Variants in PXDNL observed in about 807,000 individuals in gnomAD.
The protein encoded by PXDNL is probable oxidoreductase PXDNL.
Under a neutral mutation model 150.8 loss-of-function variants are expected in PXDNL, and 145 were observed. The observed-to-expected ratio is 0.96, with a 90% CI of 0.84 to 1.10. PXDNL has a LOEUF of 1.10. Among genes scored for constraint, PXDNL ranks in the 50% least tolerant of loss-of-function variants. The pLI is 0.00. For missense variants in PXDNL, 2,087 were observed against 1,873.9 expected, an observed-to-expected ratio of 1.11 and a Z score of -2.10; for synonymous variants, 757 against 725.7, an observed-to-expected ratio of 1.04 and a Z score of -0.69.
At chr8:51,507,756 C>T (rs1811323715) in intron 4 of PXDNL, among the ~76,000 whole-genome samples, 2 of 152,234 alleles carry the variant, frequency 1.3e-5, no homozygotes, top group Non-Finnish European at 2.9e-5. Context: ...TTTTAGTTGT[C>T]GCAGCTGGAA....
intron 1 of PXDNL, among the ~76,000 whole-genome samples, chr8:51,723,524 G>C (rs920120575): frequency 6.6e-6 from 1 of 152,210 alleles, no homozygotes; most frequent in Non-Finnish European, 1.5e-5. Context: ...AGAATGTTAG[G>C]AAAGGCTCTG....
intron 1 of PXDNL, among the ~76,000 whole-genome samples, chr8:51,790,572 A>G (rs1243749057): frequency 1.3e-5 from 2 of 152,042 alleles, no homozygotes; most frequent in Non-Finnish European, 2.9e-5. Context: ...TATTTTTTCT[A>G]TGAGGCACAG....
intron 1 of PXDNL, among the ~76,000 whole-genome samples, chr8:51,775,636 T>C (rs990235036): frequency 4.6e-4 from 70 of 152,348 alleles, no homozygotes; most frequent in African/African-American, 1.6e-3. Context: ...TTCATGGACA[T>C]TTATCACTTC....
At chr8:51,707,932 T>A (rs1816415913) in intron 1 of PXDNL, among the ~76,000 whole-genome samples, 1 of 152,122 alleles carries the variant, frequency 6.6e-6, no homozygotes, top group Non-Finnish European at 1.5e-5. Context: ...CACACGCACA[T>A]ACAAATATAT....
intron 1 of PXDNL, among the ~76,000 whole-genome samples, chr8:51,735,466 GA>G (rs1202199095): frequency 9.9e-5 from 15 of 150,894 alleles, no homozygotes; most frequent in Admixed American, 2.0e-4. Context: ...GCCTGGGCAA[GA>G]GAGCAAGACT....
chr8:51,541,141 C>CCAG (rs1289731683), intron 4 of PXDNL, among the ~76,000 whole-genome samples: 1 of 151,608 alleles, frequency 6.6e-6, no homozygotes, highest in East Asian at 1.9e-4. Context: ...GCCTATAGTC[C>CCAG]CAGCTACTCA....
At chr8:51,546,548 G>A (rs1466123379) in intron 4 of PXDNL, among the ~76,000 whole-genome samples, 4 of 152,162 alleles carry the variant, frequency 2.6e-5, no homozygotes, top group Non-Finnish European at 5.9e-5. Flanking sequence ...ATTGGGGAGG[G>A]GCCACAGGGT....
At chr8:51,808,093 T>C (rs779473323) in intron 1 of PXDNL, among the ~76,000 whole-genome samples, 6 of 152,256 alleles carry the variant, frequency 3.9e-5, no homozygotes, top group Non-Finnish European at 7.3e-5. Context: ...GTAAATACCA[T>C]CAAATTGGAC....
intron 1 of PXDNL, among the ~76,000 whole-genome samples, chr8:51,696,846 GA>G: frequency 5.3e-4 from 1 of 1,880 alleles, no homozygotes; most frequent in Non-Finnish European, 1.1e-3. Flanking sequence ...CACAGGTCCT[GA>G]CACACACACA....
At chr8:51,339,856 T>C in intron 20 of PXDNL, 103 bp from the exon 21 acceptor site, 1 of 1,099,090 alleles carries the variant, frequency 9.1e-7, no homozygotes, top group Non-Finnish European at 1.3e-6. Context: ...GTACAAGGCA[T>C]TGTGATTGGT....
At chr8:51,787,723 C>T (rs2129253423) in intron 1 of PXDNL, among the ~76,000 whole-genome samples, 1 of 152,356 alleles carries the variant, frequency 6.6e-6, no homozygotes, top group Middle Eastern at 3.4e-3. Context: ...TAGAATATTA[C>T]ATCAACTTAG....
chr8:51,496,330 AT>A lies in PXDNL; in HGVS notation c.452+3368del, dbSNP rs1385045406. Among the ~76,000 whole-genome samples, 3 of 152,366 alleles carry A rather than the reference AT, an allele frequency of 2.0e-5. No homozygotes were observed. The East Asian group carries it at 5.8e-4, about 29-fold the overall frequency. On this transcript the variant is annotated intron_variant, in intron 5 of 22. Transcript: ENST00000356297. ...AAACCTACAGCCAATATCATACTGA[AT>A]GGGCAAAAACTGGAAGCATTCCCTT...
intron 14 of PXDNL, among the ~76,000 whole-genome samples, chr8:51,421,120 A>C (rs1222848245): frequency 6.6e-6 from 1 of 152,200 alleles, no homozygotes; most frequent in Non-Finnish European, 1.5e-5. Context: ...TATGTGGAAG[A>C]GCAAGACAGA....
chr8:51,759,103 A>T (rs1416181756), intron 1 of PXDNL, among the ~76,000 whole-genome samples: 1 of 152,122 alleles, frequency 6.6e-6, no homozygotes, highest in Non-Finnish European at 1.5e-5. Context: ...TGAGTACTGG[A>T]CCTGATGTAC....
chr8:51,768,097 A>G lies in PXDNL; in HGVS notation c.164+41084T>C, dbSNP rs1190431740. On this transcript the variant is annotated intron_variant, in intron 1 of 22. Transcript: ENST00000356297. The stretch of plus-strand genomic sequence containing the variant: ...TACTGCGGAGCTGGGGTGAAAATGA[A>G]GGGGATCAGCTAAGTTAAAACATCA... Among the ~76,000 whole-genome samples, 32 of 152,230 alleles carry G rather than the reference A, an allele frequency of 2.1e-4. 1 individual carries two copies. Among genetic ancestry groups the G allele is most frequent in the Admixed American group, 2.1e-3 (32 of 15,276 alleles).
Position 51,805,427 on chromosome 8 carries a change from C to T in PXDNL, c.164+3754G>A, listed in dbSNP as rs1384425176. Among the ~76,000 whole-genome samples, 14 of 147,838 alleles carry T rather than the reference C, an allele frequency of 9.5e-5. No individual in the cohort carries two copies. In the South Asian group the frequency reaches 2.7e-3, roughly 29 times the overall value. Reference sequence around the variant, plus strand: ...AGCTACTCCCTATTATTCCATAACACATCATTTTATGTATATATACAAAAT... The same window carrying T: ...AGCTACTCCCTATTATTCCATAACATATCATTTTATGTATATATACAAAAT... On this transcript the variant is annotated intron_variant, in intron 1 of 22. Coordinates refer to ENST00000356297, the MANE Select transcript of PXDNL (RefSeq NM_144651.5).
At chr8:51,574,063 G>A (rs1339326284) in intron 3 of PXDNL, among the ~76,000 whole-genome samples, 1 of 151,848 alleles carries the variant, frequency 6.6e-6, no homozygotes, top group Non-Finnish European at 1.5e-5. Context: ...GGCAGCCCTA[G>A]CAAAGTAATA....
Position 51,381,824 on chromosome 8 carries a change from T to C in PXDNL, c.3558-7093A>G, listed in dbSNP as rs562271333. Among the ~76,000 whole-genome samples, 3 of 151,802 alleles carry C rather than the reference T, an allele frequency of 2.0e-5. No individual in the cohort carries two copies. The South Asian group carries it at 6.3e-4, about 32-fold the overall frequency. ...CCCGTCCCCACGCCCAGCTAATTTTTTTTTTTTGACCAGAGGCCCAAAAGA... is the reference window on the plus strand; with the variant it reads ...CCCGTCCCCACGCCCAGCTAATTTTCTTTTTTTGACCAGAGGCCCAAAAGA... On this transcript the variant is annotated intron_variant, in intron 17 of 22. Transcript: ENST00000356297.
intron 21 of PXDNL, among the ~76,000 whole-genome samples, chr8:51,325,833 C>G (rs1171958099): frequency 6.6e-6 from 1 of 152,154 alleles, no homozygotes; most frequent in South Asian, 2.1e-4. Context: ...AGAGTGAAAG[C>G]CACCTCCTCA....
Sources: gnomAD v4.1 joint callset for allele counts (sites outside exome capture counted in the v4.1 genomes callset) on GRCh38, gnomAD v4.1.1 for gene constraint, MANE v1.5 for transcripts, NCBI Gene and HGNC (gene_info 2026-07-23, HGNC 2026-07-21) for gene names.